PTPRM: variants seen among roughly 807,000 people sequenced by gnomAD.
PTPRM encodes protein tyrosine phosphatase receptor type M, also known as receptor-type tyrosine-protein phosphatase mu.
Under a neutral mutation model 186.7 loss-of-function variants are expected in PTPRM, and 47 were observed. The ratio of observed to expected loss-of-function variants is 0.25; its 90% CI spans 0.20 to 0.32. The LOEUF is 0.32. PTPRM is among the 10% of genes least tolerant of loss of function. PTPRM has a pLI of 1.00. For synonymous variants in PTPRM, 668 were observed against 674.9 expected (o/e 0.99, Z 0.16); for missense variants, 1,494 against 1,865.0 (o/e 0.80, Z 3.66).
chr18:7,984,913 T>TTATA, intron 7 of PTPRM, among the ~76,000 whole-genome samples: 1 of 114,764 alleles, frequency 8.7e-6, no homozygotes, highest in South Asian at 2.6e-4. Context: ...ATACATATAA[T>TTATA]TATATATACA....
At chr18:7,904,032 T>C (rs1258611406) in intron 3 of PTPRM, among the ~76,000 whole-genome samples, 1 of 152,198 alleles carries the variant, frequency 6.6e-6, no homozygotes, top group East Asian at 1.9e-4. Flanking sequence ...TTTTGAAACA[T>C]GAAATTCTTG....
intron 13 of PTPRM, among the ~76,000 whole-genome samples, chr18:8,135,219 T>C (rs1018371793): frequency 2.6e-5 from 4 of 152,188 alleles, no homozygotes; most frequent in African/African-American, 7.2e-5. Flanking sequence ...TTCCACCACG[T>C]TTGCCTCTTC....
At chr18:7,615,555 T>C (rs1171662209) in intron 1 of PTPRM, among the ~76,000 whole-genome samples, 2 of 152,116 alleles carry the variant, frequency 1.3e-5, no homozygotes, top group South Asian at 2.1e-4. Flanking sequence ...CTGCCTTCCT[T>C]CTCTGGTACA....
At chr18:8,122,465 G>A (rs2092209901) in intron 13 of PTPRM, 1 of 152,206 alleles carries the variant, frequency 6.6e-6, no homozygotes, top group Non-Finnish European at 1.5e-5. Flanking sequence ...ATTAAATTAA[G>A]TGACATGCTT....
intron 7 of PTPRM, among the ~76,000 whole-genome samples, chr18:7,982,556 A>G (rs375498167): frequency 6.6e-6 from 1 of 152,140 alleles, no homozygotes; most frequent in East Asian, 1.9e-4. Context: ...ATGCTGTAAA[A>G]TAAGTATTAA....
At chr18:8,170,424 GT>G (rs1233487788) in intron 14 of PTPRM, among the ~76,000 whole-genome samples, 1 of 150,468 alleles carries the variant, frequency 6.6e-6, no homozygotes, top group Non-Finnish European at 1.5e-5. Flanking sequence ...CTGAGCGTTT[GT>G]TGTTATTAAA....
intron 1 of PTPRM, among the ~76,000 whole-genome samples, chr18:7,629,301 C>A (rs897966295): frequency 1.3e-5 from 2 of 152,112 alleles, no homozygotes; most frequent in African/African-American, 2.4e-5. Flanking sequence ...AATTTAGCCT[C>A]GTGGATGTGG....
chr18:8,393,707 G>A (rs545088634), intron 31 of PTPRM, among the ~76,000 whole-genome samples: 171 of 152,304 alleles, frequency 1.1e-3, no homozygotes, highest in African/African-American at 4.0e-3. Flanking sequence ...CATCTAACAT[G>A]GGTTCATAGT....
intron 1 of PTPRM, among the ~76,000 whole-genome samples, chr18:7,653,629 A>C (rs1598304504): frequency 6.6e-6 from 1 of 152,080 alleles, no homozygotes. Flanking sequence ...CTCCATCCAC[A>C]TTCCTGCAAA....
At chr18:8,106,267 C>T (rs2091513064) in intron 11 of PTPRM, among the ~76,000 whole-genome samples, 1 of 152,048 alleles carries the variant, frequency 6.6e-6, no homozygotes, top group African/African-American at 2.4e-5. Flanking sequence ...GAAGGGTACT[C>T]ACAAGCAATT....
At chr18:8,228,861 G>C (rs1322708972) in intron 14 of PTPRM, among the ~76,000 whole-genome samples, 1 of 151,872 alleles carries the variant, frequency 6.6e-6, no homozygotes, top group South Asian at 2.1e-4. Context: ...CAAAAGAAAA[G>C]AAAAAGAAAA....
chr18:8,357,190 C>G (rs1488934620), intron 23 of PTPRM, among the ~76,000 whole-genome samples: 4 of 152,234 alleles, frequency 2.6e-5, no homozygotes, highest in Non-Finnish European at 5.9e-5. Flanking sequence ...GCACTGTTTT[C>G]ACATGAATTG....
intron 1 of PTPRM, among the ~76,000 whole-genome samples, chr18:7,652,040 T>G (rs1010891875): frequency 2.0e-4 from 31 of 152,132 alleles, no homozygotes; most frequent in Admixed American, 2.0e-3. Flanking sequence ...TACAATGAAC[T>G]CAAACAAATT....
intron 14 of PTPRM, among the ~76,000 whole-genome samples, chr18:8,179,074 C>T (rs905076132): frequency 5.9e-5 from 9 of 152,132 alleles, no homozygotes; most frequent in African/African-American, 1.7e-4. Context: ...CTTTTATTAT[C>T]TCTATAAGTC....
intron 20 of PTPRM, among the ~76,000 whole-genome samples, chr18:8,313,106 C>G (rs773113172): frequency 4.6e-5 from 7 of 152,216 alleles, no homozygotes; most frequent in African/African-American, 7.2e-5. Context: ...GGTCCGTCAT[C>G]TGCAGCTCCC....
intron 1 of PTPRM, among the ~76,000 whole-genome samples, chr18:7,578,330 TA>T (rs2036744956): frequency 7.0e-6 from 1 of 143,586 alleles, no homozygotes; most frequent in Admixed American, 7.3e-5. Context: ...CCTGGCTAAT[TA>T]ATTTTTTTTT....
At chr18:7,663,549 C>T (rs768654516) in intron 1 of PTPRM, among the ~76,000 whole-genome samples, 18 of 152,174 alleles carry the variant, frequency 1.2e-4, no homozygotes, top group Admixed American at 2.0e-4. Flanking sequence ...CAGCCATTTC[C>T]GTTGCTTACA....
intron 19 of PTPRM, among the ~76,000 whole-genome samples, chr18:8,292,132 T>A (rs1222045359): frequency 2.0e-5 from 3 of 152,208 alleles, no homozygotes; most frequent in African/African-American, 4.8e-5. Context: ...TCTCTGAATA[T>A]TCAGTGGCTC....
chr18:7,618,997 G>A (rs983095251), intron 1 of PTPRM, among the ~76,000 whole-genome samples: 2 of 152,166 alleles, frequency 1.3e-5, no homozygotes, highest in Admixed American at 6.5e-5. Flanking sequence ...GCATGAAACA[G>A]TCCCCGGGCT....
Sources: allele counts gnomAD v4.1 joint callset (sites outside exome capture counted in the v4.1 genomes callset), GRCh38; gene constraint gnomAD v4.1.1; transcripts MANE v1.5; gene names NCBI Gene and HGNC (gene_info 2026-07-23, HGNC 2026-07-21).